Variants in ST7L observed in about 807,000 individuals in gnomAD.
ST7L encodes suppression of tumorigenicity 7 like, also known as suppressor of tumorigenicity 7 protein-like.
In ST7L, 57 loss-of-function variants were observed where a neutral mutation model predicts 72.5. The observed-to-expected ratio is 0.79, with a 90% CI of 0.64 to 0.98. ST7L has a LOEUF of 0.98. Among genes scored for constraint, ST7L ranks in the 50% least tolerant of loss-of-function variants. The pLI, the probability that ST7L is intolerant of heterozygous loss-of-function variation, is 0.00. For missense variants in ST7L, 576 were observed against 672.2 expected (o/e 0.86, Z 1.58); for synonymous variants, 221 against 240.9 (o/e 0.92, Z 0.77).
intron 11 of ST7L, among the ~76,000 whole-genome samples, chr1:112,570,545 GTATATATATA>G (rs71584748): frequency 1.5e-5 from 2 of 130,916 alleles, no homozygotes; most frequent in African/African-American, 5.4e-5. Flanking sequence ...AATAAAAGAT[GTATATATATA>G]TATATATATA....
chr1:112,580,845 G>A (rs193140423), intron 9 of ST7L, among the ~76,000 whole-genome samples: 12 of 152,264 alleles, frequency 7.9e-5, no homozygotes, highest in Admixed American at 2.6e-4. Context: ...GGAGAATGGC[G>A]TGAACCTGGG....
At position 112,613,072 on chromosome 1, in the gene ST7L, T is replaced by C. The variant is rs140072800; in HGVS notation, c.289-2069A>G. Among the ~76,000 whole-genome samples, 144 of 152,150 alleles carry C rather than the reference T, an allele frequency of 9.5e-4. 1 individual carries two copies. Among genetic ancestry groups the C allele is most frequent in the African/African-American group, 3.4e-3 (141 of 41,510 alleles). ...AGGTCAAGGCTGCTGTGAGCTGTGA[T>C]TGTACCACTTCACTCCAGCCTGGGT... On this transcript the variant is annotated intron_variant, in intron 2 of 14. Coordinates refer to ENST00000358039, the MANE Select transcript of ST7L (RefSeq NM_017744.5).
chr1:112,555,478 C>T (rs1418022242), intron 12 of ST7L, among the ~76,000 whole-genome samples: 8 of 152,008 alleles, frequency 5.3e-5, no homozygotes, highest in East Asian at 1.9e-4. Context: ...GGCAGGAGAA[C>T]GGCATGAACC....
chr1:112,591,075 C>T (rs779286502), intron 6 of ST7L, among the ~76,000 whole-genome samples: 40 of 151,880 alleles, frequency 2.6e-4, no homozygotes, highest in Non-Finnish European at 5.3e-4. Flanking sequence ...GGACTACAGG[C>T]GCTCGCCCCC....
chr1:112,591,173 C>T (rs1048357584), intron 6 of ST7L, among the ~76,000 whole-genome samples: 3 of 151,984 alleles, frequency 2.0e-5, no homozygotes, highest in African/African-American at 7.3e-5. Flanking sequence ...CCTCATGATC[C>T]GCCTGCCTCG....
rs1158991895 is a variant in ST7L, at chr1:112,578,547, G to A, written c.1070-130C>T. On this transcript the variant is annotated intron_variant, in intron 9 of 14. Transcript: ENST00000358039. ...TCCCAGCACTTAGGGAGGCTGAGGC[G>A]GGTGGATCATGAGGTCAGGAGTTCA... is the stretch of plus-strand genomic sequence containing the variant. 7.6e-5 allele frequency: 58 copies of A among 766,278 alleles called. 1 individual carries two copies. Among genetic ancestry groups the A allele is most frequent in the Admixed American group, 3.0e-4 (15 of 49,414 alleles). The allele number at this position is 766,278 out of a possible 1,614,324, so 47.5% of individuals were successfully genotyped here. A position where few individuals can be genotyped will look rare whatever the true frequency, so the allele number is the denominator to read the frequency against.
chr1:112,526,332 CCTT>C (rs1247798925), intron 14 of ST7L: 42 of 459,962 alleles, frequency 9.1e-5, no homozygotes, highest in African/African-American at 6.7e-4. Context: ...TAATTCTACT[CCTT>C]TTTTCCCCTT....
chr1:112,562,454 A>G (rs1036869820), intron 11 of ST7L, among the ~76,000 whole-genome samples: 1 of 151,620 alleles, frequency 6.6e-6, no homozygotes, highest in Admixed American at 6.6e-5. Flanking sequence ...CAGACCAATT[A>G]AAAAAAAAGA....
chr1:112,525,989 A>G lies in ST7L; in HGVS notation c.*24T>C. The G allele has an allele frequency of 6.2e-7, 1 of 1,613,582 alleles. No homozygotes were observed. The highest frequency in any genetic ancestry group is 8.5e-7 in the Non-Finnish European group (1 of 1,179,650). On this transcript the variant is annotated 3_prime_UTR_variant, in exon 15 of 15. Coordinates refer to ENST00000358039, the MANE Select transcript of ST7L (RefSeq NM_017744.5). ...TTCAGAAAAATTTGGTGATTTGTCCAAGGTCACATGAACAGTGCGTGGCTC... is the reference window on the plus strand; with the variant it reads ...TTCAGAAAAATTTGGTGATTTGTCCGAGGTCACATGAACAGTGCGTGGCTC...
At chr1:112,554,657 T>C (rs1297551479) in intron 12 of ST7L, among the ~76,000 whole-genome samples, 2 of 152,164 alleles carry the variant, frequency 1.3e-5, no homozygotes, top group African/African-American at 4.8e-5. Context: ...GGAACTCAAA[T>C]AGATATTTGT....
At chr1:112,594,758 C>T (rs955297388) in intron 5 of ST7L, among the ~76,000 whole-genome samples, 3 of 152,072 alleles carry the variant, frequency 2.0e-5, no homozygotes, top group Admixed American at 2.0e-4. Flanking sequence ...AATATGATTT[C>T]GTTGATAGAA....
At chr1:112,522,222 A>C (rs1009883363), downstream of ST7L, 12 of 151,932 alleles carry the variant, frequency 7.9e-5, no homozygotes, top group African/African-American at 2.7e-4. Flanking sequence ...TCAGAGATGG[A>C]GCTCACTATG....
intron 4 of ST7L, among the ~76,000 whole-genome samples, chr1:112,599,653 A>G (rs905550293): frequency 1.1e-4 from 16 of 152,196 alleles, no homozygotes; most frequent in African/African-American, 3.9e-4. Flanking sequence ...ATTCAGAGTG[A>G]TATTTTCTAA....
intron 11 of ST7L, among the ~76,000 whole-genome samples, chr1:112,567,254 T>C (rs1363561406): frequency 2.0e-5 from 3 of 152,200 alleles, no homozygotes; most frequent in Non-Finnish European, 4.4e-5. Context: ...CATATGAACA[T>C]CTCTTTATGT....
intron 14 of ST7L, chr1:112,540,670 C>G: frequency 8.5e-7 from 1 of 1,177,828 alleles, no homozygotes; most frequent in Non-Finnish European, 1.1e-6. Context: ...AGAAAAAAGC[C>G]AACTAATCTT....
At chr1:112,539,177 T>C (rs542188421) in intron 14 of ST7L, 26 of 152,338 alleles carry the variant, frequency 1.7e-4, no homozygotes, top group African/African-American at 5.8e-4. Flanking sequence ...CTTGTTAAAA[T>C]GTAGATTCTG....
At chr1:112,540,402 A>T (rs1213897171) in intron 14 of ST7L, 1 of 985,292 alleles carries the variant, frequency 1.0e-6, no homozygotes, top group African/African-American at 1.7e-5. Context: ...CACTCACTCA[A>T]CTATTAGCAC....
intron 1 of ST7L, chr1:112,617,897 C>T: frequency 1.1e-6 from 1 of 883,778 alleles, no homozygotes; most frequent in Non-Finnish European, 1.6e-6. Flanking sequence ...TCACCTGTTA[C>T]AGAGATGCCA....
At chr1:112,546,124 A>G (rs1307003501) in intron 13 of ST7L, among the ~76,000 whole-genome samples, 1 of 151,922 alleles carries the variant, frequency 6.6e-6, no homozygotes, top group Non-Finnish European at 1.5e-5. Context: ...TTCAAGGCCA[A>G]GCTGGGCAAC....
Sources: allele counts gnomAD v4.1 joint callset (sites outside exome capture counted in the v4.1 genomes callset), GRCh38; gene constraint gnomAD v4.1.1; transcripts MANE v1.5; gene names NCBI Gene and HGNC (gene_info 2026-07-23, HGNC 2026-07-21).